KCMF1: variants seen among roughly 807,000 people sequenced by gnomAD.
KCMF1 encodes potassium channel modulatory factor 1, also known as E3 ubiquitin-protein ligase KCMF1.
In KCMF1, 3 loss-of-function variants were observed where a neutral mutation model predicts 41.1. The ratio of observed to expected loss-of-function variants is 0.07; its 90% CI spans 0.03 to 0.19. The LOEUF (loss-of-function observed/expected upper bound fraction) is 0.19, where lower values mean the gene tolerates loss of function less well. KCMF1 is among the 10% of genes least tolerant of loss of function. The pLI, the probability that KCMF1 is intolerant of heterozygous loss-of-function variation, is 1.00. For missense variants in KCMF1, 286 were observed against 488.9 expected, an observed-to-expected ratio of 0.58 and a Z score of 3.91; for synonymous variants, 142 against 164.5, an observed-to-expected ratio of 0.86 and a Z score of 1.04.
At chr2:84,998,299 T>TAGCC (rs1674225369) in intron 1 of KCMF1, among the ~76,000 whole-genome samples, 1 of 151,930 alleles carries the variant, frequency 6.6e-6, no homozygotes, top group African/African-American at 2.4e-5. Flanking sequence ...TTCACCATGT[T>TAGCC]AGCCAGGCTG....
intron 4 of KCMF1, among the ~76,000 whole-genome samples, chr2:85,045,168 A>G (rs569526099): frequency 2.6e-4 from 40 of 152,272 alleles, no homozygotes; most frequent in African/African-American, 9.1e-4. Flanking sequence ...TGAGCCCATG[A>G]GCTCAAGGCT....
chr2:85,042,150 G>T (rs762069419), intron 3 of KCMF1, among the ~76,000 whole-genome samples: 17 of 152,134 alleles, frequency 1.1e-4, no homozygotes, highest in Non-Finnish European at 2.1e-4. Context: ...TCTGCACACT[G>T]TCATGCTTAA....
intron 1 of KCMF1, among the ~76,000 whole-genome samples, chr2:84,998,676 C>T (rs1342390046): frequency 1.3e-5 from 2 of 150,804 alleles, no homozygotes; most frequent in East Asian, 2.0e-4. Context: ...GATCCCGGTT[C>T]ACTGCAACCT....
At chr2:85,018,705 A>G (rs1469003484) in intron 1 of KCMF1, among the ~76,000 whole-genome samples, 1 of 152,058 alleles carries the variant, frequency 6.6e-6, no homozygotes, top group Non-Finnish European at 1.5e-5. Flanking sequence ...TGCTATCTAG[A>G]CAACTAGTGG....
At chr2:85,038,568 G>A (rs944907723) in intron 3 of KCMF1, among the ~76,000 whole-genome samples, 4 of 152,178 alleles carry the variant, frequency 2.6e-5, no homozygotes, top group South Asian at 2.1e-4. Context: ...GTCATTGGCC[G>A]TGGCATTTAG....
intron 4 of KCMF1, 44 bp from the exon 5 acceptor site, chr2:85,046,058 TTC>T (rs1219925359): frequency 3.3e-6 from 5 of 1,515,002 alleles, no homozygotes; most frequent in Non-Finnish European, 4.5e-6. Context: ...GTGATTTTTT[TTC>T]TTTCTGTGAA....
At chr2:85,036,896 C>T (rs1318558395) in intron 3 of KCMF1, among the ~76,000 whole-genome samples, 1 of 150,550 alleles carries the variant, frequency 6.6e-6, no homozygotes, top group East Asian at 1.9e-4. Context: ...TTATTATTAT[C>T]AGCCAATAGT....
intron 6 of KCMF1, 43 bp downstream of exon 6, chr2:85,049,691 T>C: frequency 6.9e-7 from 1 of 1,445,652 alleles, no homozygotes; most frequent in Non-Finnish European, 9.6e-7. Flanking sequence ...AAGTAATATT[T>C]TATTGCCACT....
chr2:85,008,291 T>TATATAATATATAATGATATATATATC (rs1486177880), intron 1 of KCMF1, among the ~76,000 whole-genome samples: 2 of 14,624 alleles, frequency 1.4e-4, no homozygotes, highest in Non-Finnish European at 3.4e-4. Context: ...TGATATATAA[T>TATATAATATATAATGATATATATATC]ATATATAATA....
intron 1 of KCMF1, among the ~76,000 whole-genome samples, chr2:84,981,198 T>C (rs558973337): frequency 1.2e-4 from 19 of 152,092 alleles, no homozygotes; most frequent in Admixed American, 5.9e-4. Flanking sequence ...TGAATTTTTT[T>C]TTTTTTTTTG....
intron 1 of KCMF1, among the ~76,000 whole-genome samples, chr2:84,992,183 G>A (rs1415655945): frequency 6.6e-6 from 1 of 152,158 alleles, no homozygotes; most frequent in Non-Finnish European, 1.5e-5. Context: ...CTCAGAGAAT[G>A]GTTGTTATTA....
intron 3 of KCMF1, among the ~76,000 whole-genome samples, chr2:85,039,013 C>T (rs2104047310): frequency 6.6e-6 from 1 of 152,334 alleles, no homozygotes. Context: ...AGCCACTGTG[C>T]CCTGCCCCAA....
chr2:85,050,553 A>G (rs1675782025), intron 6 of KCMF1, among the ~76,000 whole-genome samples: 1 of 152,236 alleles, frequency 6.6e-6, no homozygotes, highest in Non-Finnish European at 1.5e-5. Context: ...AAAACTTCAC[A>G]GGCATTTTAT....
At chr2:85,048,556 A>C (rs895743805) in intron 5 of KCMF1, among the ~76,000 whole-genome samples, 4 of 152,248 alleles carry the variant, frequency 2.6e-5, no homozygotes, top group African/African-American at 9.6e-5. Flanking sequence ...TCTGCAAGGC[A>C]GTCATCGATT....
intron 1 of KCMF1, among the ~76,000 whole-genome samples, chr2:84,977,663 T>G (rs1049996082): frequency 1.3e-5 from 2 of 151,896 alleles, no homozygotes; most frequent in African/African-American, 4.8e-5. Flanking sequence ...GCTCAAGTGA[T>G]TCTCCCACCT....
At chr2:85,015,694 T>A (rs185432562) in intron 1 of KCMF1, among the ~76,000 whole-genome samples, 2 of 152,360 alleles carry the variant, frequency 1.3e-5, no homozygotes, top group Admixed American at 1.3e-4. Context: ...CCCATTTTTC[T>A]ATTCACTTTG....
chr2:85,016,670 C>T (rs888858900), intron 1 of KCMF1, among the ~76,000 whole-genome samples: 3 of 151,786 alleles, frequency 2.0e-5, no homozygotes, highest in Non-Finnish European at 4.4e-5. Flanking sequence ...CTGCTTTTCA[C>T]TGAGTTACTT....
chr2:84,974,689 ATATTTTTTTTTTTTTTTT>A (rs1379109650), intron 1 of KCMF1, among the ~76,000 whole-genome samples: 5 of 28,304 alleles, frequency 1.8e-4, no homozygotes, highest in African/African-American at 6.8e-4. Flanking sequence ...ATATATATAT[ATATTTTTTTTTTTTTTTT>A]TTTTTTTTTT....
At chr2:85,009,666 C>T (rs1471118684) in intron 1 of KCMF1, among the ~76,000 whole-genome samples, 1 of 152,140 alleles carries the variant, frequency 6.6e-6, no homozygotes, top group Non-Finnish European at 1.5e-5. Flanking sequence ...CTTCCCCCCT[C>T]TTCTTTCTTT....
Sources: gnomAD v4.1 joint callset for allele counts (sites outside exome capture counted in the v4.1 genomes callset) on GRCh38, gnomAD v4.1.1 for gene constraint, MANE v1.5 for transcripts, NCBI Gene and HGNC (gene_info 2026-07-23, HGNC 2026-07-21) for gene names.